The following CNTNAP5 variants were observed in gnomAD, a reference collection of about 807,000 sequenced individuals.
CNTNAP5 encodes contactin-associated protein-like 5.
CNTNAP5 carries 72 observed loss-of-function variants against 150.2 expected under a neutral mutation model. The ratio of observed to expected loss-of-function variants is 0.48; its 90% CI spans 0.40 to 0.58. The LOEUF is 0.58. Among genes scored for constraint, CNTNAP5 ranks in the 20% least tolerant of loss-of-function variants. The pLI is 0.00. For synonymous variants in CNTNAP5, 672 were observed against 619.8 expected (o/e 1.08, Z -1.25); for missense variants, 1,636 against 1,626.2 (o/e 1.01, Z -0.10).
intron 3 of CNTNAP5, among the ~76,000 whole-genome samples, chr2:124,391,911 G>C (rs778837528): frequency 2.6e-5 from 4 of 151,938 alleles, no homozygotes; most frequent in Non-Finnish European, 4.4e-5. Context: ...AGCCGAGATC[G>C]CGCCACTGCA....
intron 2 of CNTNAP5, among the ~76,000 whole-genome samples, chr2:124,224,415 A>G (rs940162066): frequency 6.6e-6 from 1 of 152,080 alleles, no homozygotes; most frequent in African/African-American, 2.4e-5. Context: ...TAATATCAAC[A>G]TAATTATTTT....
chr2:124,137,383 A>T (rs996072928), intron 1 of CNTNAP5, among the ~76,000 whole-genome samples: 16 of 152,174 alleles, frequency 1.1e-4, no homozygotes, highest in African/African-American at 3.1e-4. Context: ...CAAGGAAAAA[A>T]ATCCTCAATT....
intron 6 of CNTNAP5, 93 bp downstream of exon 6, chr2:124,447,030 G>A (rs1204990630): frequency 1.6e-6 from 2 of 1,223,614 alleles, no homozygotes; most frequent in Non-Finnish European, 2.3e-6. Flanking sequence ...GAGAAGTGGT[G>A]GGGCACTGAG....
At chr2:124,750,535 A>G (rs1266681501) in intron 14 of CNTNAP5, among the ~76,000 whole-genome samples, 1 of 152,168 alleles carries the variant, frequency 6.6e-6, no homozygotes, top group African/African-American at 2.4e-5. Flanking sequence ...TTTATCACTT[A>G]CTTAGTGCCT....
rs773806406 is a variant in CNTNAP5, at chr2:124,865,369, A to G, written c.3281A>G (p.Asp1094Gly). ...ACCCATGTATTCACCATTGATGCAG[A>G]TAACTTTGCTAACAGAAGGATGCAC... ...EETHVFTIDADNFANRRMHHL... is the reference protein window; with the variant it reads ...EETHVFTIDAGNFANRRMHHL... Residue 1094 changes from aspartate (D) to glycine (G), a missense_variant, in exon 20 of 24, where the codon GAT (aspartate) becomes GGT (glycine). Asp to Gly is a moderately conservative substitution (Grantham distance 94). Transcript: ENST00000682447. 3 of 1,559,492 alleles carry G rather than the reference A, an allele frequency of 1.9e-6. No homozygotes were observed. Among genetic ancestry groups the G allele is most frequent in the Admixed American group, 3.8e-5 (2 of 51,986 alleles).
At chr2:124,397,498 C>T (rs1482379627) in intron 3 of CNTNAP5, among the ~76,000 whole-genome samples, 1 of 152,148 alleles carries the variant, frequency 6.6e-6, no homozygotes, top group Non-Finnish European at 1.5e-5. Context: ...CTCTCAAAAT[C>T]CCCACCTCCT....
chr2:124,489,500 C>T (rs74267106), intron 7 of CNTNAP5, among the ~76,000 whole-genome samples: 5 of 152,140 alleles, frequency 3.3e-5, no homozygotes, highest in Admixed American at 6.6e-5. Flanking sequence ...CAAATACAGT[C>T]GCATTCTGAG....
At chr2:124,165,416 T>C (rs1684788764) in intron 1 of CNTNAP5, among the ~76,000 whole-genome samples, 1 of 152,204 alleles carries the variant, frequency 6.6e-6, no homozygotes, top group Non-Finnish European at 1.5e-5. Context: ...GGTTTTGAAC[T>C]GGTTCCCTTA....
intron 10 of CNTNAP5, among the ~76,000 whole-genome samples, chr2:124,558,369 G>A (rs190789906): frequency 2.7e-4 from 41 of 152,298 alleles, no homozygotes; most frequent in African/African-American, 9.9e-4. Flanking sequence ...GACATCAACT[G>A]TGATAGTGAA....
At chr2:124,025,808 C>G in intron 1 of CNTNAP5, 76 bp downstream of exon 1, 1 of 1,196,672 alleles carries the variant, frequency 8.4e-7, no homozygotes, top group Non-Finnish European at 1.2e-6. Context: ...ACTATCTAAG[C>G]GTACTCGATT....
At chr2:124,674,489 TCTA>T (rs1421029901) in intron 13 of CNTNAP5, among the ~76,000 whole-genome samples, 2 of 119,716 alleles carry the variant, frequency 1.7e-5, no homozygotes, top group East Asian at 5.4e-4. Context: ...TCTCTCCCTC[TCTA>T]CTTCCTTTCT....
intron 12 of CNTNAP5, among the ~76,000 whole-genome samples, chr2:124,618,241 T>A (rs542022230): frequency 1.6e-3 from 247 of 152,054 alleles, no homozygotes; most frequent in Middle Eastern, 3.4e-3. Flanking sequence ...CATGTGAGAC[T>A]ATTTAGCTGG....
At chr2:124,137,666 T>A (rs577519617) in intron 1 of CNTNAP5, among the ~76,000 whole-genome samples, 1 of 152,326 alleles carries the variant, frequency 6.6e-6, no homozygotes, top group African/African-American at 2.4e-5. Flanking sequence ...GTGAGGAGTA[T>A]GTGACACATA....
intron 3 of CNTNAP5, among the ~76,000 whole-genome samples, chr2:124,247,484 T>C (rs1419191748): frequency 6.6e-6 from 1 of 152,100 alleles, no homozygotes; most frequent in East Asian, 1.9e-4. Context: ...AATATATGAA[T>C]GTGAGGGGCT....
At chr2:124,649,678 C>T (rs1284119049) in intron 13 of CNTNAP5, among the ~76,000 whole-genome samples, 3 of 152,104 alleles carry the variant, frequency 2.0e-5, no homozygotes, top group African/African-American at 7.2e-5. Flanking sequence ...TGTCATTTAC[C>T]AGTTATGTGA....
At chr2:124,785,218 G>A (rs1681540006) in intron 17 of CNTNAP5, among the ~76,000 whole-genome samples, 1 of 152,072 alleles carries the variant, frequency 6.6e-6, no homozygotes, top group African/African-American at 2.4e-5. Context: ...ACTTGCAGTG[G>A]CCAGGAAGGC....
intron 17 of CNTNAP5, among the ~76,000 whole-genome samples, chr2:124,786,713 A>G (rs1469520263): frequency 6.6e-6 from 1 of 152,074 alleles, no homozygotes; most frequent in African/African-American, 2.4e-5. Context: ...GGGGAGGAGG[A>G]CAGTGAGAGA....
intron 3 of CNTNAP5, among the ~76,000 whole-genome samples, chr2:124,413,973 T>G (rs11893627): frequency 9.2e-4 from 139 of 151,328 alleles, no homozygotes; most frequent in African/African-American, 3.3e-3. Flanking sequence ...AGAGATGGAG[T>G]GAGGAGGGGA....
At chr2:124,087,623 G>A (rs1394732154) in intron 1 of CNTNAP5, among the ~76,000 whole-genome samples, 1 of 151,866 alleles carries the variant, frequency 6.6e-6, no homozygotes, top group Non-Finnish European at 1.5e-5. Flanking sequence ...TAGGGAGGCT[G>A]AGGCAGGAGA....
Sources: allele counts gnomAD v4.1 joint callset (sites outside exome capture counted in the v4.1 genomes callset), GRCh38; gene constraint gnomAD v4.1.1; transcripts MANE v1.5; gene names NCBI Gene and HGNC (gene_info 2026-07-23, HGNC 2026-07-21).